Variants in CTRB1 observed in about 807,000 individuals in gnomAD.
CTRB1 encodes the protein chymotrypsinogen B1.
In CTRB1, 15 loss-of-function variants were observed where a neutral mutation model predicts 20.4. The observed-to-expected ratio is 0.74, with a 90% CI of 0.49 to 1.13. The LOEUF is 1.13. Among genes scored for constraint, CTRB1 ranks in the 50% most tolerant of loss-of-function variants. The probability of loss-of-function intolerance (pLI) is 0.00; values close to 1 mark genes in which losing one functional copy is unlikely to be tolerated. For synonymous variants in CTRB1, 92 were observed against 128.4 expected (o/e 0.72, Z 1.92); for missense variants, 227 against 290.1 (o/e 0.78, Z 1.58).
chr16:75,220,667 C>A (rs2039070601), intron 1 of CTRB1, among the ~76,000 whole-genome samples: 8 of 152,246 alleles, frequency 5.3e-5, no homozygotes. Context: ...CTTCTCACTT[C>A]CTGCATGTTG....
Position 75,223,017 on chromosome 16 carries a change from T to C in CTRB1, c.205T>C (p.Trp69Arg), listed in dbSNP as rs1178894365. 3.1e-6 allele frequency: 3 copies of C among 980,090 alleles called. No homozygotes were observed. The highest frequency in any genetic ancestry group is 3.0e-6 in the Non-Finnish European group (2 of 673,534). The allele number at this position is 980,090 out of a possible 1,614,324, so 60.7% of individuals were successfully genotyped here. A position where few individuals can be genotyped will look rare whatever the true frequency, so the allele number is the denominator to read the frequency against. ...CGGGGGCTCCCTCATCAGCGAGGAC[T>C]GGGTGGTCACCGCTGCCCACTGCGG... ...FCGGSLISED[W>R]VVTAAHCGVR... The change falls in exon 3 of 7, where the codon TGG becomes CGG. Residue 69 changes from tryptophan to arginine, a missense_variant. Physicochemically the swap from Trp to Arg is moderately radical, Grantham distance 101. This residue lies in a region of CTRB1 where 12 missense variants were observed against 92.4 expected (regional missense o/e 0.13). Transcript: ENST00000361017.
intron 1 of CTRB1, among the ~76,000 whole-genome samples, chr16:75,220,930 G>T (rs1342776220): frequency 1.3e-5 from 2 of 152,070 alleles, no homozygotes; most frequent in Admixed American, 6.5e-5. Context: ...GCTAATTTTT[G>T]TATTTTTAGT....
At chr16:75,219,262 G>A (rs1312268690) in intron 1 of CTRB1, among the ~76,000 whole-genome samples, 2 of 152,196 alleles carry the variant, frequency 1.3e-5, no homozygotes, top group African/African-American at 4.8e-5. Flanking sequence ...CTCTGCCATG[G>A]TCTGAGGCTC....
Position 75,224,897 on chromosome 16 carries a change from C to T in CTRB1, c.*31C>T, listed in dbSNP as rs1441288640. 3 of 1,611,156 alleles carry T rather than the reference C, an allele frequency of 1.9e-6. No homozygotes were observed. The highest frequency in any genetic ancestry group is 1.3e-5 in the African/African-American group (1 of 74,882). On this transcript the variant is annotated 3_prime_UTR_variant, in exon 7 of 7. Coordinates refer to ENST00000361017, the MANE Select transcript of CTRB1 (RefSeq NM_001906.6). ...CGGCTCCCTCCGACCCTGCTCCCCA[C>T]AGAGCCTCAGTAAACCCATGGAACA...
rs367801637 is a variant in CTRB1, at chr16:75,224,891, T to C, written c.*25T>C. ...AGCCCGCGGCTCCCTCCGACCCTGC[T>C]CCCCACAGAGCCTCAGTAAACCCAT... On this transcript the variant is annotated 3_prime_UTR_variant, in exon 7 of 7. Coordinates refer to ENST00000361017, the MANE Select transcript of CTRB1 (RefSeq NM_001906.6). The C allele has an allele frequency of 6.0e-5, 96 of 1,612,148 alleles. No homozygotes were observed. The East Asian group carries it at 8.0e-4, about 13-fold the overall frequency.
At chr16:75,220,075 A>C (rs1458760800) in intron 1 of CTRB1, among the ~76,000 whole-genome samples, 1 of 151,918 alleles carries the variant, frequency 6.6e-6, no homozygotes, top group East Asian at 1.9e-4. Context: ...CCTCAAACTC[A>C]AGGGCTCGAG....
Position 75,222,755 on chromosome 16 carries a change from C to A in CTRB1, c.53-13C>A, listed in dbSNP as rs770810052. On this transcript the variant is annotated splice_polypyrimidine_tract_variant and intron_variant, in intron 1 of 6. Coordinates refer to ENST00000361017, the MANE Select transcript of CTRB1 (RefSeq NM_001906.6). Reference sequence around the variant, plus strand: ...TTGGGGCCTCAGCCCTTATTCACCCCACTCCCCCCCAGGCTGCGGGGTCCC... The same window carrying A: ...TTGGGGCCTCAGCCCTTATTCACCCAACTCCCCCCCAGGCTGCGGGGTCCC... 7.7e-6 allele frequency: 12 copies of A among 1,555,332 alleles called. No individual in the cohort carries two copies. The African/African-American group carries it at 1.1e-4, about 14-fold the overall frequency.
At chr16:75,223,691 C>CGTTTGGCGCTTCTT (rs1555530831) in intron 5 of CTRB1, 63 bp downstream of exon 5, 28,899 of 351,516 alleles carry the variant, frequency 0.082, 1,252 homozygotes, top group African/African-American at 0.23. Flanking sequence ...CCCCCGTGAC[C>CGTTTGGCGCTTCTT]GTTTGGCTCT....
chr16:75,222,761 C>G lies in CTRB1; in HGVS notation c.53-7C>G, dbSNP rs2076703723. On this transcript the variant is annotated splice_polypyrimidine_tract_variant and splice_region_variant and intron_variant, in intron 1 of 6. Transcript: ENST00000361017. Reference sequence around the variant, plus strand: ...CCTCAGCCCTTATTCACCCCACTCCCCCCCAGGCTGCGGGGTCCCCGCCAT... The same window carrying G: ...CCTCAGCCCTTATTCACCCCACTCCGCCCCAGGCTGCGGGGTCCCCGCCAT... The G allele has an allele frequency of 1.3e-6, 2 of 1,557,270 alleles. No individual in the cohort carries two copies. Among genetic ancestry groups the G allele is most frequent in the Non-Finnish European group, 1.7e-6 (2 of 1,149,838 alleles).
At chr16:75,221,914 A>AG (rs1266632953) in intron 1 of CTRB1, among the ~76,000 whole-genome samples, 1 of 151,822 alleles carries the variant, frequency 6.6e-6, no homozygotes, top group Non-Finnish European at 1.5e-5. Flanking sequence ...TACAAAAATT[A>AG]GCTGGGCTTG....
At chr16:75,224,340 C>A in intron 6 of CTRB1, 152 bp downstream of exon 6, 4 of 1,447,912 alleles carry the variant, frequency 2.8e-6, no homozygotes, top group South Asian at 1.3e-5. Context: ...ATGTCAGAGC[C>A]AATGGCTCTT....
At chr16:75,224,542 A>G (rs1464006557) in intron 6 of CTRB1, among the ~76,000 whole-genome samples, 163 bp from the exon 7 acceptor site, 1 of 152,208 alleles carries the variant, frequency 6.6e-6, no homozygotes, top group Non-Finnish European at 1.5e-5. Context: ...GGCATGAACC[A>G]CATAAGCAGC....
At chr16:75,220,529 C>G (rs183928375) in intron 1 of CTRB1, among the ~76,000 whole-genome samples, 3 of 152,076 alleles carry the variant, frequency 2.0e-5, no homozygotes, top group Admixed American at 1.3e-4. Context: ...ATCCTGTGCT[C>G]GAGTGATCTG....
intron 1 of CTRB1, among the ~76,000 whole-genome samples, chr16:75,220,078 G>C (rs2039060523): frequency 1.3e-5 from 2 of 152,352 alleles, no homozygotes; most frequent in South Asian, 4.1e-4. Context: ...CAAACTCAAG[G>C]GCTCGAGTGA....
rs760578662 is a variant in CTRB1, at chr16:75,219,072, G to A, written c.52+13G>A. 5.6e-5 allele frequency: 89 copies of A among 1,582,302 alleles called. No individual in the cohort carries two copies. The highest frequency in any genetic ancestry group is 6.6e-5 in the Non-Finnish European group (77 of 1,165,506). On this transcript the variant is annotated intron_variant, in intron 1 of 6. Coordinates refer to ENST00000361017, the MANE Select transcript of CTRB1 (RefSeq NM_001906.6). The stretch of plus-strand genomic sequence containing the variant: ...GGGGCCGCCTTTGGTGAGTGCTGGT[G>A]CCCGAGGGGTCTGTCCTGAGGGAGC...
chr16:75,220,646 C>A (rs761892140), intron 1 of CTRB1, among the ~76,000 whole-genome samples: 2 of 152,216 alleles, frequency 1.3e-5, no homozygotes, highest in Admixed American at 6.5e-5. Context: ...GTGCTTTTTC[C>A]CTACTCAAAT....
Position 75,224,752 on chromosome 16 carries a change from C to T in CTRB1, c.678C>T (p.Thr226=), listed in dbSNP as rs369551185. 1.9e-6 allele frequency: 3 copies of T among 1,613,736 alleles called. No homozygotes were observed. The highest frequency in any genetic ancestry group is 2.5e-6 in the Non-Finnish European group (3 of 1,179,972). The change falls in exon 7 of 7, where the codon ACC becomes ACT. Residue 226 remains threonine, a synonymous_variant. Coordinates refer to ENST00000361017, the MANE Select transcript of CTRB1 (RefSeq NM_001906.6). ...TCTGCCAAAAGGATGGAGCCTGGAC[C>T]CTGGTGGGCATTGTGTCCTGGGGCA... ...PLVCQKDGAW[T]LVGIVSWGSD...
intron 1 of CTRB1, 111 bp downstream of exon 1, chr16:75,219,170 C>G: frequency 8.6e-7 from 1 of 1,164,336 alleles, no homozygotes; most frequent in Admixed American, 2.3e-5. Flanking sequence ...GCACAGGTAA[C>G]CTGAGGGCTC....
At chr16:75,222,538 G>A (rs1443008941) in intron 1 of CTRB1, 2 of 579,546 alleles carry the variant, frequency 3.5e-6, no homozygotes, top group Non-Finnish European at 6.1e-6. Flanking sequence ...CCCCAGGTAG[G>A]AGGAGACATG....
Sources: gnomAD v4.1 joint callset for allele counts (sites outside exome capture counted in the v4.1 genomes callset) on GRCh38, gnomAD v4.1.1 for gene constraint, gnomAD v4.1.1 regional missense constraint, MANE v1.5 for transcripts, NCBI Gene and HGNC (gene_info 2026-07-23, HGNC 2026-07-21) for gene names.